The following IRS4 variants were observed in gnomAD, a reference collection of about 807,000 sequenced individuals.
IRS4 encodes 160 kDa phosphotyrosine protein.
IRS4 carries 15 observed loss-of-function variants against 48.6 expected under a neutral mutation model. The ratio of observed to expected loss-of-function variants is 0.31; its 90% CI spans 0.21 to 0.48. IRS4 has a LOEUF of 0.48. IRS4 is among the 20% of genes least tolerant of loss of function. IRS4 has a pLI of 0.99. For synonymous variants in IRS4, 459 were observed against 413.2 expected, an observed-to-expected ratio of 1.11 and a Z score of -1.34; for missense variants, 987 against 1,023.4, an observed-to-expected ratio of 0.96 and a Z score of 0.49.
intron 1 of IRS4, among the ~76,000 whole-genome samples, chrX:108,728,331 T>G (rs2068884359): frequency 8.9e-6 from 1 of 112,347 alleles, no homozygotes; most frequent in South Asian, 3.7e-4. Context: ...CTGAATGAAT[T>G]ACTTACAACA....
rs201374551 is a variant in IRS4 at position 108,735,819 on chromosome X, A to C, written c.526T>G (p.Tyr176Asp). 8.3e-7 allele frequency: 1 copy of C among 1,205,713 alleles called. No homozygotes were observed. The highest frequency in any genetic ancestry group is 1.8e-5 in the African/African-American group (1 of 56,220). Residue 176 changes from tyrosine to aspartate, a missense_variant, in exon 1 of 2, where the codon TAC becomes GAC. Physicochemically the swap from Tyr to Asp is radical, Grantham distance 160. Transcript: ENST00000372129. ...TCGTTCTCGGCCACCATCGCGAAGTATTCGTCTTGGGTGAAAAGAGCAATG... is the reference window on the plus strand; with the variant it reads ...TCGTTCTCGGCCACCATCGCGAAGTCTTCGTCTTGGGTGAAAAGAGCAATG... ...HLIALFTQDE[Y>D]FAMVAENESE...
rs1382721046 is a variant in IRS4, at chrX:108,733,020, C to T, written c.3325G>A (p.Glu1109Lys). ...AVSAFPTDSL[E>K]RDLSPSSAPA... is the part of the protein sequence containing the mutation. ...GCTGAGGATGGGGAAAGGTCTCTCT[C>T]GAGGCTGTCTGTTGGAAAAGCAGAG... Residue 1109 changes from glutamate to lysine, a missense_variant, in exon 1 of 2, where the codon GAG (glutamate) becomes AAG (lysine). Glu to Lys is a moderately conservative substitution (Grantham distance 56). This residue lies in a region of IRS4 where 720 missense variants were observed against 660.3 expected (regional missense o/e 1.09). Coordinates refer to ENST00000372129, the MANE Select transcript of IRS4 (RefSeq NM_001379150.1). 1.7e-6 allele frequency: 2 copies of T among 1,209,650 alleles called. No individual in the cohort carries two copies. The highest frequency in any genetic ancestry group is 2.2e-6 in the Non-Finnish European group (2 of 894,970).
chrX:108,735,716 C>G lies in IRS4; in HGVS notation c.629G>C (p.Gly210Ala). Residue 210 changes from glycine to alanine, a missense_variant, in exon 1 of 2, where the codon GGC becomes GCC. By Grantham distance (60) the Gly-to-Ala change is moderately conservative. Coordinates refer to ENST00000372129, the MANE Select transcript of IRS4 (RefSeq NM_001379150.1). Reference protein sequence around the residue: ...ESKRRRCGTLGAQPDGEPAAL... With the variant: ...ESKRRRCGTLAAQPDGEPAAL... The stretch of plus-strand genomic sequence containing the variant: ...GGCCGGCTCTCCGTCCGGCTGCGCG[C>G]CGAGCGTGCCGCAGCGGCGGCGCTT... 5.9e-6 allele frequency: 7 copies of G among 1,179,730 alleles called. No individual in the cohort carries two copies. Among genetic ancestry groups the G allele is most frequent in the Non-Finnish European group, 7.9e-6 (7 of 880,614 alleles).
chrX:108,727,994 A>C (rs749271810), intron 1 of IRS4, among the ~76,000 whole-genome samples: 3 of 112,698 alleles, frequency 2.7e-5, no homozygotes, highest in Non-Finnish European at 5.6e-5. Flanking sequence ...ATTAAATGAA[A>C]AGACTTTTTG....
Position 108,720,987 on chromosome X carries a change from A to G in IRS4, c.*1532T>C, listed in dbSNP as rs1444653859. 8.8e-6 allele frequency: 1 copy of G among 113,042 alleles called. No homozygotes were observed. Among genetic ancestry groups the G allele is most frequent in the African/African-American group, 3.2e-5 (1 of 31,136 alleles). The allele number at this position is 113,042 out of a possible 1,213,427, so 9.3% of individuals were successfully genotyped here. On this transcript the variant is annotated 3_prime_UTR_variant, in exon 2 of 2. Transcript: ENST00000372129. Reference sequence around the variant, plus strand: ...GAAGTACACGTTCAAAGACATTAAAACCAAGTAGTGAAAACCTTTAGATAA... The same window carrying G: ...GAAGTACACGTTCAAAGACATTAAAGCCAAGTAGTGAAAACCTTTAGATAA...
At chrX:108,725,254 CA>C (rs1004379164) in intron 1 of IRS4, among the ~76,000 whole-genome samples, 3 of 110,280 alleles carry the variant, frequency 2.7e-5, no homozygotes, top group African/African-American at 6.6e-5. Context: ...GAACCTATAA[CA>C]ATATATTGTT....
intron 1 of IRS4, chrX:108,725,967 A>G (rs2068872972): frequency 8.9e-6 from 1 of 112,019 alleles, no homozygotes; most frequent in African/African-American, 3.2e-5. Flanking sequence ...TACAAACTCT[A>G]TGGAGATCAG....
chrX:108,725,078 T>C (rs2068868575), intron 1 of IRS4: 1 of 111,418 alleles, frequency 9.0e-6, no homozygotes, highest in Non-Finnish European at 1.9e-5. Flanking sequence ...TAATCTTTAA[T>C]ACGCTAATAA....
Position 108,735,779 on chromosome X carries a change from C to G in IRS4, c.566G>C (p.Ser189Thr). ...MVAENESEQESWYLLLSRLIL... is the reference protein window; with the variant it reads ...MVAENESEQETWYLLLSRLIL... ...GAGGCGGCTGAGCAGCAAGTACCAG[C>G]TTTCCTGCTCCGACTCGTTCTCGGC... Residue 189 changes from serine to threonine, a missense_variant, in exon 1 of 2, where the codon AGC becomes ACC. Physicochemically the swap from Ser to Thr is moderately conservative, Grantham distance 58 (BLOSUM62 1). Around this residue, in one of 4 missense-constraint regions of IRS4, gnomAD observed 173 missense variants for 208.9 expected, o/e 0.83. Transcript: ENST00000372129. The G allele has an allele frequency of 8.3e-7, 1 of 1,208,353 alleles. No individual in the cohort carries two copies. Among genetic ancestry groups the G allele is most frequent in the Non-Finnish European group, 1.1e-6 (1 of 894,152 alleles).
intron 1 of IRS4, among the ~76,000 whole-genome samples, chrX:108,732,089 C>T (rs1461993502): frequency 1.8e-5 from 2 of 112,444 alleles, no homozygotes; most frequent in African/African-American, 6.5e-5. Context: ...TAAAAAGTAA[C>T]TTTCAGAGGA....
chrX:108,736,239 A>G lies in IRS4; in HGVS notation c.106T>C (p.Ser36Pro), dbSNP rs781264974. The change falls in exon 1 of 2, where the codon TCC becomes CCC. Residue 36 changes from serine to proline, a missense_variant. Around this residue, in one of 4 missense-constraint regions of IRS4, gnomAD observed 173 missense variants for 208.9 expected, o/e 0.83. Coordinates refer to ENST00000372129, the MANE Select transcript of IRS4 (RefSeq NM_001379150.1). ...LAAVVTTPLLSSGTPTALIGT... is the reference protein window; with the variant it reads ...LAAVVTTPLLPSGTPTALIGT... Reference sequence around the variant, plus strand: ...ATGAGTGCGGTCGGGGTTCCCGAGGAAAGAAGCGGGGTGGTCACCACTGCT... The same window carrying G: ...ATGAGTGCGGTCGGGGTTCCCGAGGGAAGAAGCGGGGTGGTCACCACTGCT... 9.1e-6 allele frequency: 11 copies of G among 1,208,706 alleles called. No individual in the cohort carries two copies. Among genetic ancestry groups the G allele is most frequent in the Middle Eastern group, 2.3e-4 (1 of 4,341 alleles).
In IRS4 at chrX:108,736,063, G is replaced by C. The variant is rs1305723817; in HGVS notation, c.282C>G (p.Arg94=). 8.3e-7 allele frequency: 1 copy of C among 1,208,809 alleles called. No individual in the cohort carries two copies. Among genetic ancestry groups the C allele is most frequent in the Admixed American group, 2.2e-5 (1 of 45,862 alleles). The change falls in exon 1 of 2, where the codon CGC becomes CGG. Residue 94 remains arginine, a synonymous_variant. Transcript: ENST00000372129. ...CAGTCTCGAGTTTGAGCACGAAGTAGCGCCTGTGCCCATGCTTCTGTTTCC... is the reference window on the plus strand; with the variant it reads ...CAGTCTCGAGTTTGAGCACGAAGTACCGCCTGTGCCCATGCTTCTGTTTCC... ...YLRKQKHGHR[R]YFVLKLETAD...
Position 108,733,097 on chromosome X carries a change from C to A in IRS4, c.3248G>T (p.Arg1083Ile). Residue 1083 changes from arginine (R) to isoleucine (I), a missense_variant, in exon 1 of 2, where the codon AGA becomes ATA. This residue lies in a region of IRS4 where 720 missense variants were observed against 660.3 expected (regional missense o/e 1.09). Transcript: ENST00000372129. ...ACTTTGAGAACGGCTTTGTGGGCGT[C>A]TTCTCTCCTGCTCTTCTTCCTGCAG... ...RLLQEEEQER[R>I]RPQSRSQSFF... 8.3e-7 allele frequency: 1 copy of A among 1,211,974 alleles called. No individual in the cohort carries two copies. Among genetic ancestry groups the A allele is most frequent in the Admixed American group, 2.2e-5 (1 of 46,097 alleles).
At chrX:108,731,122 A>T (rs1293090691) in intron 1 of IRS4, among the ~76,000 whole-genome samples, 1 of 110,674 alleles carries the variant, frequency 9.0e-6, no homozygotes, top group African/African-American at 3.3e-5. Flanking sequence ...AAGCCAAAGC[A>T]TCCTTTTGTT....
At chrX:108,728,945 C>T (rs1336469285) in intron 1 of IRS4, among the ~76,000 whole-genome samples, 1 of 111,844 alleles carries the variant, frequency 8.9e-6, no homozygotes, top group African/African-American at 3.2e-5. Flanking sequence ...AAACATCACT[C>T]TTAAAATAGA....
At chrX:108,730,322 C>A (rs1387368951) in intron 1 of IRS4, among the ~76,000 whole-genome samples, 23 of 97,942 alleles carry the variant, frequency 2.3e-4, no homozygotes, top group African/African-American at 8.2e-4. Context: ...ACCACCACCA[C>A]CCCCACCCCC....
Position 108,735,441 on chromosome X carries a change from T to C in IRS4, c.904A>G (p.Ile302Val), listed in dbSNP as rs775037561. The C allele has an allele frequency of 8.3e-7, 1 of 1,211,178 alleles. No homozygotes were observed. The highest frequency in any genetic ancestry group is 1.1e-6 in the Non-Finnish European group (1 of 895,411). The change falls in exon 1 of 2, where the codon ATC becomes GTC. Residue 302 changes from isoleucine to valine, a missense_variant. Ile to Val is a conservative substitution (Grantham distance 29). This residue lies in a region of IRS4 where 74 missense variants were observed against 100.4 expected (regional missense o/e 0.74). Transcript: ENST00000372129. Reference protein sequence around the residue: ...FFLEVGRSTVIGPGELWMQVD... With the variant: ...FFLEVGRSTVVGPGELWMQVD... Reference sequence around the variant, plus strand: ...TGCATCCAGAGCTCTCCCGGACCGATGACAGTGGACCTGCCTACTTCCAAG... The same window carrying C: ...TGCATCCAGAGCTCTCCCGGACCGACGACAGTGGACCTGCCTACTTCCAAG...
chrX:108,732,490 A>G lies in IRS4; in HGVS notation c.3766+89T>C, dbSNP rs1227368478. 1.2e-5 allele frequency: 14 copies of G among 1,194,436 alleles called. No individual in the cohort carries two copies. The African/African-American group carries it at 2.4e-4, about 21-fold the overall frequency. On this transcript the variant is annotated intron_variant, in intron 1 of 1. Transcript: ENST00000372129. ...ATGTCGAATAGCACCAGTTAATGAAATAGTATCCCTAACACTGTAGACTGT... is the reference window on the plus strand; with the variant it reads ...ATGTCGAATAGCACCAGTTAATGAAGTAGTATCCCTAACACTGTAGACTGT...
chrX:108,734,928 T>A lies in IRS4; in HGVS notation c.1417A>T (p.Asn473Tyr). ...SGSGNFGEEG[N>Y]PQGKEDQEGS... is the part of the protein sequence containing the mutation. ...TCCTGATCTTCTTTGCCCTGGGGAT[T>A]GCCTTCCTCCCCAAAGTTGCCAGAG... The change falls in exon 1 of 2, where the codon AAT becomes TAT. Residue 473 changes from asparagine (N) to tyrosine (Y), a missense_variant. Transcript: ENST00000372129. 1 of 1,212,019 alleles carries A rather than the reference T, an allele frequency of 8.3e-7. No individual in the cohort carries two copies. The highest frequency in any genetic ancestry group is 1.1e-6 in the Non-Finnish European group (1 of 895,585).
Sources: gnomAD v4.1 joint callset for allele counts (sites outside exome capture counted in the v4.1 genomes callset) on GRCh38, gnomAD v4.1.1 for gene constraint, gnomAD v4.1.1 regional missense constraint, MANE v1.5 for transcripts, NCBI Gene and HGNC (gene_info 2026-07-23, HGNC 2026-07-21) for gene names.